JAK2: variants seen among roughly 807,000 people sequenced by gnomAD.
JAK2 encodes the protein tyrosine-protein kinase JAK2.
In JAK2, 86 loss-of-function variants were observed where a neutral mutation model predicts 139.3. The observed-to-expected ratio is 0.62, with a 90% CI of 0.52 to 0.74. The LOEUF is 0.74. Ranked by LOEUF, JAK2 falls within the 30% of genes least tolerant of loss-of-function variation. The probability of loss-of-function intolerance (pLI) is 0.00; values close to 1 mark genes in which losing one functional copy is unlikely to be tolerated. For missense variants in JAK2, 1,421 were observed against 1,360.3 expected (o/e 1.04, Z -0.70); for synonymous variants, 490 against 437.7 (o/e 1.12, Z -1.49).
chr9:5,091,072 G>T lies in JAK2; in HGVS notation c.3059+161G>T. On this transcript the variant is annotated intron_variant, in intron 22 of 24. Coordinates refer to ENST00000381652, the MANE Select transcript of JAK2 (RefSeq NM_004972.4). ...TTTTTTTTTTAGGTCTTATAGTCAT[G>T]GTTATAGTCCACGTGGGAAAATGGC... The T allele has an allele frequency of 7.5e-6, 4 of 530,220 alleles. 1 individual carries two copies. The highest frequency in any genetic ancestry group is 1.3e-5 in the Non-Finnish European group (4 of 303,760). The allele number at this position is 530,220 out of a possible 1,614,324, so 32.8% of individuals were successfully genotyped here. A position where few individuals can be genotyped will look rare whatever the true frequency, so the allele number is the denominator to read the frequency against.
chr9:5,099,960 G>A (rs912520783), intron 22 of JAK2: 2 of 152,126 alleles, frequency 1.3e-5, no homozygotes, highest in African/African-American at 4.8e-5. Flanking sequence ...GCACACCTAT[G>A]CCACTTATCC....
At position 5,064,558 on chromosome 9, in the gene JAK2, A is replaced by C. The variant is rs933278767; in HGVS notation, c.1057-325A>C. 8.5e-5 allele frequency among the ~76,000 whole-genome samples: 13 copies of C among 152,144 alleles called. No individual in the cohort carries two copies. The East Asian group carries it at 2.5e-3, about 29-fold the overall frequency. Reference sequence around the variant, plus strand: ...AAAAAAAAGAAAAAAGGAAATGCTCATGATTTCTAATGTCAACTTTTATAT... The same window carrying C: ...AAAAAAAAGAAAAAAGGAAATGCTCCTGATTTCTAATGTCAACTTTTATAT... On this transcript the variant is annotated intron_variant, in intron 8 of 24. Coordinates refer to ENST00000381652, the MANE Select transcript of JAK2 (RefSeq NM_004972.4).
rs1289597619 is a variant in JAK2, at chr9:5,127,078, T to A, written c.*287T>A. 2.6e-5 allele frequency: 7 copies of A among 266,656 alleles called. No homozygotes were observed. The highest frequency in any genetic ancestry group is 5.2e-5 in the Admixed American group (1 of 19,152). 16.5% of individuals were successfully genotyped at this position (266,656 alleles called of 1,614,324 possible). A position where few individuals can be genotyped will look rare whatever the true frequency, so the allele number is the denominator to read the frequency against. ...GTCTGGCAAAAGAAAAAAAATAGAC[T>A]TTTTCAACTCAGCTTTTTGAGACCT... On this transcript the variant is annotated 3_prime_UTR_variant, in exon 25 of 25. Transcript: ENST00000381652.
chr9:5,010,925 G>T (rs1436343204), intron 2 of JAK2, among the ~76,000 whole-genome samples: 1 of 152,150 alleles, frequency 6.6e-6, no homozygotes, highest in African/African-American at 2.4e-5. Context: ...ATTCTGGGTT[G>T]ACAGCTTTCC....
chr9:5,066,794 G>C lies in JAK2; in HGVS notation c.1326+5G>C. 7.3e-7 allele frequency: 1 copy of C among 1,367,516 alleles called. No individual in the cohort carries two copies. Among genetic ancestry groups the C allele is most frequent in the Non-Finnish European group, 1.0e-6 (1 of 992,752 alleles). 84.7% of individuals were successfully genotyped at this position (1,367,516 alleles called of 1,614,324 possible). On this transcript the variant is annotated splice_donor_5th_base_variant and intron_variant, in intron 10 of 24. Transcript: ENST00000381652. ...TTTTTGACTTTTGCTGTCGAGGTTA[G>C]TATGTCACACTTATTAGTGGTAACA...
intron 22 of JAK2, among the ~76,000 whole-genome samples, chr9:5,102,688 G>A (rs1055407298): frequency 7.2e-5 from 11 of 152,194 alleles, no homozygotes; most frequent in Admixed American, 2.6e-4. Context: ...GACTAACAGC[G>A]GATCTCTCAG....
At chr9:5,112,819 T>C (rs1243751406) in intron 22 of JAK2, 1 of 554,940 alleles carries the variant, frequency 1.8e-6, no homozygotes, top group Non-Finnish European at 2.9e-6. Flanking sequence ...TGGGCTTGAG[T>C]GAAGCCCACA....
intron 4 of JAK2, among the ~76,000 whole-genome samples, chr9:5,044,104 A>T (rs984342788): frequency 1.1e-4 from 16 of 152,170 alleles, no homozygotes; most frequent in Non-Finnish European, 4.4e-5. Context: ...ATGTTACTGG[A>T]TTAAGCTATG....
At chr9:4,994,606 C>T (rs1251904480) in intron 2 of JAK2, among the ~76,000 whole-genome samples, 1 of 152,202 alleles carries the variant, frequency 6.6e-6, no homozygotes, top group Admixed American at 6.5e-5. Flanking sequence ...CTACTCAATT[C>T]CGCCTTTGTG....
intron 2 of JAK2, among the ~76,000 whole-genome samples, chr9:4,988,138 C>A (rs117932448): frequency 6.6e-6 from 1 of 152,304 alleles, no homozygotes; most frequent in East Asian, 1.9e-4. Context: ...TTTTGCTCTT[C>A]TCCCATTACA....
At chr9:5,110,328 G>T (rs1391076856) in intron 22 of JAK2, 3 of 152,144 alleles carry the variant, frequency 2.0e-5, no homozygotes, top group Non-Finnish European at 4.4e-5. Context: ...CTTATTTACA[G>T]CAATCTGCGC....
rs891667777 is a variant in JAK2, at chr9:4,990,832, A to C, written c.-26+4810A>C. Among the ~76,000 whole-genome samples the C allele has an allele frequency of 2.0e-5, 3 of 152,248 alleles. No homozygotes were observed. In the South Asian group the frequency reaches 6.2e-4, roughly 31 times the overall value. On this transcript the variant is annotated intron_variant, in intron 2 of 24. Transcript: ENST00000381652. ...ATATTTTGTTCTCTCCGGTTTAACA[A>C]AAGACCTTTGGATTTGACAGTTGGG... is the stretch of plus-strand genomic sequence containing the variant.
chr9:5,005,963 A>T (rs1821270450), intron 2 of JAK2, among the ~76,000 whole-genome samples: 1 of 152,096 alleles, frequency 6.6e-6, no homozygotes, highest in Non-Finnish European at 1.5e-5. Flanking sequence ...CTTAGGATTG[A>T]CCTGGCGATG....
At chr9:4,992,716 T>C (rs1820329481) in intron 2 of JAK2, among the ~76,000 whole-genome samples, 1 of 152,184 alleles carries the variant, frequency 6.6e-6, no homozygotes, top group African/African-American at 2.4e-5. Flanking sequence ...TGAGGACCCA[T>C]GAAGAGACAG....
At chr9:4,997,250 A>G (rs971574295) in intron 2 of JAK2, among the ~76,000 whole-genome samples, 15 of 152,036 alleles carry the variant, frequency 9.9e-5, no homozygotes, top group African/African-American at 3.6e-4. Flanking sequence ...CTGTTCTTGC[A>G]TTGCTATAAA....
intron 20 of JAK2, among the ~76,000 whole-genome samples, chr9:5,090,185 A>C (rs1820468098): frequency 6.6e-6 from 1 of 152,214 alleles, no homozygotes. Context: ...GGAGAAAGGA[A>C]GTTTTCTCAT....
chr9:5,023,732 A>C (rs1822588926), intron 3 of JAK2, among the ~76,000 whole-genome samples: 1 of 152,038 alleles, frequency 6.6e-6, no homozygotes, highest in Admixed American at 6.5e-5. Context: ...AATCTACTCA[A>C]AGTGTGATTA....
chr9:5,073,591 T>G lies in JAK2; in HGVS notation c.1777-107T>G, dbSNP rs982792572. ...CACATTGTATCCTCATCTATAGTCA[T>G]GCTGAAAGTAGGAGAAAGTGCATCT... On this transcript the variant is annotated intron_variant, in intron 13 of 24. Transcript: ENST00000381652. The G allele has an allele frequency of 1.8e-5, 15 of 821,986 alleles. 1 individual carries two copies. The highest frequency in any genetic ancestry group is 1.2e-4 in the African/African-American group (7 of 59,192). 50.9% of individuals were successfully genotyped at this position (821,986 alleles called of 1,614,324 possible).
chr9:5,111,254 A>T, intron 22 of JAK2: 1 of 515,254 alleles, frequency 1.9e-6, no homozygotes, highest in Non-Finnish European at 3.7e-6. Context: ...GTAGAGACGC[A>T]GGCGTGCGCA....
Sources: gnomAD v4.1 joint callset for allele counts (sites outside exome capture counted in the v4.1 genomes callset) on GRCh38, gnomAD v4.1.1 for gene constraint, MANE v1.5 for transcripts, NCBI Gene and HGNC (gene_info 2026-07-23, HGNC 2026-07-21) for gene names.